The following SBF2 variants were observed in gnomAD, a reference collection of about 807,000 sequenced individuals.
The protein encoded by SBF2 is SET binding factor 2.
Under a neutral mutation model 225.2 loss-of-function variants are expected in SBF2, and 112 were observed. The ratio of observed to expected loss-of-function variants is 0.50; its 90% CI spans 0.43 to 0.58. SBF2 has a LOEUF of 0.58. Ranked by LOEUF, SBF2 falls within the 20% of genes least tolerant of loss-of-function variation. The pLI, the probability that SBF2 is intolerant of heterozygous loss-of-function variation, is 0.00. For synonymous variants in SBF2, 763 were observed against 773.3 expected (o/e 0.99, Z 0.22); for missense variants, 1,996 against 2,206.2 (o/e 0.90, Z 1.91).
chr11:9,926,912 A>G (rs2134243551), intron 16 of SBF2, among the ~76,000 whole-genome samples: 1 of 152,254 alleles, frequency 6.6e-6, no homozygotes, highest in South Asian at 2.1e-4. Flanking sequence ...AATCAATAAT[A>G]GACAACATAA....
intron 17 of SBF2, among the ~76,000 whole-genome samples, chr11:9,861,379 T>C (rs531423474): frequency 6.6e-6 from 1 of 152,256 alleles, no homozygotes; most frequent in South Asian, 2.1e-4. Context: ...AAATGTTTTT[T>C]GAGGCCAGGC....
At position 9,865,713 on chromosome 11, in the gene SBF2, AAAAG is replaced by A. The variant is rs1235449479; in HGVS notation, c.1930-7321_1930-7318del. 2.6e-4 allele frequency among the ~76,000 whole-genome samples: 35 copies of A among 135,670 alleles called. 2 individuals are homozygous for A. Among genetic ancestry groups the A allele is most frequent in the African/African-American group, 1.1e-3 (30 of 28,088 alleles). The allele number at this position is 135,670 out of a possible 152,430, so 89.0% of individuals were successfully genotyped here. On this transcript the variant is annotated intron_variant, in intron 17 of 39. Coordinates refer to ENST00000256190, the MANE Select transcript of SBF2 (RefSeq NM_030962.4). ...CAAAAAAAAAAAAAAAAAAAAAAAA[AAAAG>A]GCGGGAGGCGTTGGGGGGCGAAACT...
intron 2 of SBF2, among the ~76,000 whole-genome samples, chr11:10,160,195 G>T (rs946314929): frequency 2.9e-4 from 44 of 152,118 alleles, no homozygotes; most frequent in African/African-American, 1.1e-3. Flanking sequence ...TCTGTTAGAA[G>T]TAATAAACAA....
intron 16 of SBF2, chr11:9,929,222 G>T: frequency 5.5e-6 from 1 of 183,142 alleles, no homozygotes. Context: ...CTGGAAAGGT[G>T]AAAAAGCTCG....
chr11:9,873,373 G>C (rs1356229312), intron 17 of SBF2, among the ~76,000 whole-genome samples: 1 of 152,138 alleles, frequency 6.6e-6, no homozygotes, highest in Non-Finnish European at 1.5e-5. Flanking sequence ...ATATGTTATG[G>C]AAACAAAGCT....
At chr11:9,946,408 C>T (rs998247029) in intron 16 of SBF2, among the ~76,000 whole-genome samples, 4 of 151,972 alleles carry the variant, frequency 2.6e-5, no homozygotes, top group Non-Finnish European at 4.4e-5. Flanking sequence ...GCCAAATCTA[C>T]AACTGCTGAC....
At position 10,091,112 on chromosome 11, in the gene SBF2, G is replaced by A. The variant is rs1461738206; in HGVS notation, c.142-48131C>T. On this transcript the variant is annotated intron_variant, in intron 2 of 39. Coordinates refer to ENST00000256190, the MANE Select transcript of SBF2 (RefSeq NM_030962.4). ...ATGCTAACAAATTAAGTCCAATGAA[G>A]TATAATACTATCCTCACTCTCTGGG... is the stretch of plus-strand genomic sequence containing the variant. 2.6e-5 allele frequency among the ~76,000 whole-genome samples: 4 copies of A among 152,278 alleles called. No homozygotes were observed. The East Asian group carries it at 7.7e-4, about 29-fold the overall frequency.
chr11:9,959,239 A>G (rs2134353452), intron 16 of SBF2: 1 of 776,502 alleles, frequency 1.3e-6, no homozygotes, highest in East Asian at 2.4e-5. Context: ...AGTCCCTGCA[A>G]TCTTGACTCC....
intron 1 of SBF2, among the ~76,000 whole-genome samples, chr11:10,276,061 C>T (rs1443461495): frequency 6.6e-6 from 1 of 151,584 alleles, no homozygotes; most frequent in Non-Finnish European, 1.5e-5. Flanking sequence ...GGTCAATTTG[C>T]ATAGTTTTTT....
intron 1 of SBF2, among the ~76,000 whole-genome samples, chr11:10,194,506 C>T (rs1957292832): frequency 6.6e-6 from 1 of 152,090 alleles, no homozygotes; most frequent in South Asian, 2.1e-4. Flanking sequence ...CAGGCAATCT[C>T]TATTCTATAA....
At chr11:10,007,151 AAAG>A (rs2134536513) in intron 6 of SBF2, among the ~76,000 whole-genome samples, 1 of 152,324 alleles carries the variant, frequency 6.6e-6, no homozygotes, top group East Asian at 1.9e-4. Context: ...TCCTCTGTGA[AAAG>A]GGCGTACCGA....
chr11:9,871,532 C>A (rs1177306197), intron 17 of SBF2, among the ~76,000 whole-genome samples: 1 of 149,066 alleles, frequency 6.7e-6, no homozygotes, highest in East Asian at 2.0e-4. Context: ...CACTCTGTTG[C>A]CCAGGCTGGA....
chr11:10,058,244 C>T (rs1010110912), intron 2 of SBF2, among the ~76,000 whole-genome samples: 3 of 152,060 alleles, frequency 2.0e-5, no homozygotes, highest in Non-Finnish European at 4.4e-5. Flanking sequence ...TGGCAAAACC[C>T]AATCCAAGGA....
intron 30 of SBF2, 29 bp downstream of exon 30, chr11:9,812,503 A>G: frequency 6.2e-7 from 1 of 1,611,692 alleles, no homozygotes; most frequent in Non-Finnish European, 8.5e-7. Context: ...TCTTTGAGTT[A>G]TAAAGAAAGA....
chr11:10,106,003 C>G (rs925463071), intron 2 of SBF2, among the ~76,000 whole-genome samples: 1 of 152,118 alleles, frequency 6.6e-6, no homozygotes, highest in Non-Finnish European at 1.5e-5. Context: ...TATGTCAAAG[C>G]TTTTCAAATG....
intron 2 of SBF2, among the ~76,000 whole-genome samples, chr11:10,139,431 T>C (rs1264159727): frequency 1.3e-5 from 2 of 152,200 alleles, no homozygotes; most frequent in East Asian, 1.9e-4. Flanking sequence ...TATGAGGCTA[T>C]TGAACACTTC....
chr11:9,820,622 C>G lies in SBF2; in HGVS notation c.3794-3598G>C, dbSNP rs939273722. Among the ~76,000 whole-genome samples, 9 of 152,278 alleles carry G rather than the reference C, an allele frequency of 5.9e-5. No homozygotes were observed. The East Asian group carries it at 1.5e-3, about 26-fold the overall frequency. On this transcript the variant is annotated intron_variant, in intron 28 of 39. Transcript: ENST00000256190. ...GGAATGATTTCCCCCATTTCCTTAC[C>G]TGACACATTCCTACTTAACCCTTAA...
At chr11:10,164,218 T>C (rs1274652720) in intron 2 of SBF2, among the ~76,000 whole-genome samples, 2 of 152,184 alleles carry the variant, frequency 1.3e-5, no homozygotes, top group East Asian at 3.8e-4. Flanking sequence ...ATGCCAGCCT[T>C]ATTAATAAAA....
chr11:10,291,480 G>A lies in SBF2; in HGVS notation c.55+2535C>T, dbSNP rs35392578. 3.8e-3 allele frequency among the ~76,000 whole-genome samples: 581 copies of A among 152,202 alleles called. 4 individuals are homozygous for A. Among genetic ancestry groups the A allele is most frequent in the South Asian group, 5.4e-3 (26 of 4,820 alleles). On this transcript the variant is annotated intron_variant, in intron 1 of 39. Coordinates refer to ENST00000256190, the MANE Select transcript of SBF2 (RefSeq NM_030962.4). ...TGAGGTATTTTTGTTATAACAGCCC[G>A]AATGGACTAAGGCAAATAGTAACAG...
Sources: gnomAD v4.1 joint callset for allele counts (sites outside exome capture counted in the v4.1 genomes callset) on GRCh38, gnomAD v4.1.1 for gene constraint, MANE v1.5 for transcripts, NCBI Gene and HGNC (gene_info 2026-07-23, HGNC 2026-07-21) for gene names.